ENOX1: variants seen among roughly 807,000 people sequenced by gnomAD.
The protein encoded by ENOX1 is candidate growth-related and time keeping constitutive hydroquinone (NADH) oxidase.
ENOX1 carries 42 observed loss-of-function variants against 82.5 expected under a neutral mutation model. The ratio of observed to expected loss-of-function variants is 0.51; its 90% CI spans 0.40 to 0.66. The LOEUF (loss-of-function observed/expected upper bound fraction) is 0.66. ENOX1 is among the 30% of genes least tolerant of loss of function. The pLI is 0.00. For missense variants in ENOX1, 608 were observed against 811.6 expected (o/e 0.75, Z 3.05); for synonymous variants, 271 against 282.2 (o/e 0.96, Z 0.40).
At chr13:43,598,084 T>TG (rs1437490345) in intron 2 of ENOX1, among the ~76,000 whole-genome samples, 1 of 152,100 alleles carries the variant, frequency 6.6e-6, no homozygotes, top group East Asian at 1.9e-4. Flanking sequence ...GGCTGCCTCT[T>TG]GTGTCTCCCG....
intron 12 of ENOX1, among the ~76,000 whole-genome samples, chr13:43,277,957 G>A (rs1000023233): frequency 3.9e-5 from 6 of 152,136 alleles, no homozygotes; most frequent in Admixed American, 2.0e-4. Context: ...CAAGTGGCGG[G>A]GCACCAAGGA....
rs147448766 is a variant in ENOX1 at position 43,655,132 on chromosome 13, C to A, written c.-219+12347G>T. On this transcript the variant is annotated intron_variant, in intron 2 of 16. Coordinates refer to ENST00000690772, the MANE Select transcript of ENOX1 (RefSeq NM_001347969.2). ...TCCTTCCTTGACCTCTAATTCCTAC[C>A]GCGCTCCTTATTTATTGGTGTCTGG... 1.6e-4 allele frequency among the ~76,000 whole-genome samples: 24 copies of A among 152,218 alleles called. No individual in the cohort carries two copies. The East Asian group carries it at 4.1e-3, about 26-fold the overall frequency.
intron 11 of ENOX1, among the ~76,000 whole-genome samples, 175 bp downstream of exon 11, chr13:43,322,209 C>T (rs912362320): frequency 6.6e-6 from 1 of 152,202 alleles, no homozygotes; most frequent in African/African-American, 2.4e-5. Flanking sequence ...ATTTAAATCA[C>T]TCTGTTCCCA....
At chr13:43,450,941 A>G (rs1211237085) in intron 3 of ENOX1, among the ~76,000 whole-genome samples, 2 of 152,206 alleles carry the variant, frequency 1.3e-5, no homozygotes, top group African/African-American at 4.8e-5. Flanking sequence ...CACTGCTATA[A>G]GAAACATGAA....
intron 1 of ENOX1, among the ~76,000 whole-genome samples, chr13:43,698,252 A>G (rs545799439): frequency 6.6e-6 from 1 of 152,342 alleles, no homozygotes; most frequent in South Asian, 2.1e-4. Flanking sequence ...CTGCCTTCAA[A>G]AGCCCCTTTA....
intron 3 of ENOX1, among the ~76,000 whole-genome samples, chr13:43,422,617 C>G (rs766938557): frequency 6.6e-6 from 1 of 152,068 alleles, no homozygotes; most frequent in South Asian, 2.1e-4. Context: ...TTGAAGAACT[C>G]TATATTGAGA....
At chr13:43,574,355 C>T (rs938642513) in intron 2 of ENOX1, among the ~76,000 whole-genome samples, 3 of 152,088 alleles carry the variant, frequency 2.0e-5, no homozygotes, top group African/African-American at 4.8e-5. Flanking sequence ...CAGCTTTTCC[C>T]GTCCAATTAG....
At chr13:43,419,851 G>A (rs185502489) in intron 3 of ENOX1, among the ~76,000 whole-genome samples, 1 of 152,076 alleles carries the variant, frequency 6.6e-6, no homozygotes, top group African/African-American at 2.4e-5. Context: ...TGCACCTGTA[G>A]TCCCAGCTAC....
At chr13:43,510,930 A>G (rs923749051) in intron 2 of ENOX1, among the ~76,000 whole-genome samples, 1 of 152,096 alleles carries the variant, frequency 6.6e-6, no homozygotes, top group Non-Finnish European at 1.5e-5. Context: ...TCCTATTACT[A>G]TAGGGATGCA....
chr13:43,722,135 T>C (rs2088622387), intron 1 of ENOX1, among the ~76,000 whole-genome samples: 1 of 152,226 alleles, frequency 6.6e-6, no homozygotes, highest in Non-Finnish European at 1.5e-5. Context: ...CTCAGTGTTC[T>C]TTTTTGCAAA....
chr13:43,351,412 TTTTA>T (rs150546063), intron 8 of ENOX1, among the ~76,000 whole-genome samples: 45,919 of 149,216 alleles, frequency 0.31, 7,204 homozygotes, highest in East Asian at 0.4. Flanking sequence ...TATTTATTTA[TTTTA>T]TTTATTTATT....
intron 2 of ENOX1, among the ~76,000 whole-genome samples, chr13:43,551,449 G>A (rs867550823): frequency 6.6e-6 from 1 of 152,022 alleles, no homozygotes. Context: ...ATAATAAAGA[G>A]AGAAAAAAAT....
At chr13:43,540,415 T>C (rs548996591) in intron 2 of ENOX1, among the ~76,000 whole-genome samples, 1 of 152,180 alleles carries the variant, frequency 6.6e-6, no homozygotes, top group South Asian at 2.1e-4. Context: ...ATGCAGGCTC[T>C]CGAATGCAGT....
chr13:43,611,670 A>G (rs2082207638), intron 2 of ENOX1, among the ~76,000 whole-genome samples: 1 of 152,236 alleles, frequency 6.6e-6, no homozygotes, highest in Non-Finnish European at 1.5e-5. Context: ...TTCAATCTTA[A>G]ATCATTATTT....
Position 43,344,659 on chromosome 13 carries a change from G to A in ENOX1, c.915C>T (p.Ser305=). The A allele has an allele frequency of 6.2e-7, 1 of 1,614,094 alleles. No homozygotes were observed. The highest frequency in any genetic ancestry group is 8.5e-7 in the Non-Finnish European group (1 of 1,180,022). The change falls in exon 9 of 17, where the codon TCC becomes TCT. Residue 305 remains serine, a synonymous_variant. Transcript: ENST00000690772. ...CGTGGCTGTTGGCCGACTGCACCAT[G>A]GAATAGAACTGGTTTGCAGAGCGCC... The part of the protein sequence containing the change: ...VNRRSANQFY[S]MVQSANSHVR...
At chr13:43,653,469 C>T (rs888000979) in intron 2 of ENOX1, among the ~76,000 whole-genome samples, 3 of 152,004 alleles carry the variant, frequency 2.0e-5, no homozygotes, top group South Asian at 2.1e-4. Flanking sequence ...ATTTTTAAAG[C>T]GGCCAAAATT....
intron 2 of ENOX1, among the ~76,000 whole-genome samples, chr13:43,664,795 A>G (rs1207466280): frequency 2.6e-5 from 4 of 152,226 alleles, no homozygotes; most frequent in South Asian, 4.1e-4. Context: ...GCCTGCATGC[A>G]TCACACATGC....
chr13:43,607,270 C>G (rs2082016758), intron 2 of ENOX1, among the ~76,000 whole-genome samples: 1 of 152,078 alleles, frequency 6.6e-6, no homozygotes, highest in Non-Finnish European at 1.5e-5. Flanking sequence ...AAAAAAATCA[C>G]AGAGTATTGG....
Position 43,471,018 on chromosome 13 carries a change from T to C in ENOX1, c.-75+12991A>G, listed in dbSNP as rs558959477. On this transcript the variant is annotated intron_variant, in intron 3 of 16. Transcript: ENST00000690772. ...AGAATCCTACTTTTAGATGTTGACC[T>C]ACTATAAATGAAGACCTATGCCCTC... 3.3e-5 allele frequency among the ~76,000 whole-genome samples: 5 copies of C among 152,330 alleles called. No individual in the cohort carries two copies. In the South Asian group the frequency reaches 1.0e-3, roughly 32 times the overall value.
Sources: gnomAD v4.1 joint callset for allele counts (sites outside exome capture counted in the v4.1 genomes callset) on GRCh38, gnomAD v4.1.1 for gene constraint, MANE v1.5 for transcripts, NCBI Gene and HGNC (gene_info 2026-07-23, HGNC 2026-07-21) for gene names.